ZC3H3: variants seen among roughly 807,000 people sequenced by gnomAD.
ZC3H3 encodes the protein zinc finger CCCH domain-containing protein 3.
Under a neutral mutation model 77.3 loss-of-function variants are expected in ZC3H3, and 36 were observed. The observed-to-expected ratio is 0.47, with a 90% confidence interval of 0.36 to 0.61. ZC3H3 has a LOEUF of 0.61. Ranked by LOEUF, ZC3H3 falls within the 20% of genes least tolerant of loss-of-function variation. ZC3H3 has a pLI of 0.00. For missense variants in ZC3H3, 1,331 were observed against 1,312.2 expected, an observed-to-expected ratio of 1.01 and a Z score of -0.22; for synonymous variants, 626 against 555.2, an observed-to-expected ratio of 1.13 and a Z score of -1.79.
intron 9 of ZC3H3, among the ~76,000 whole-genome samples, chr8:143,455,521 A>G (rs1352275114): frequency 1.3e-5 from 2 of 151,754 alleles, no homozygotes; most frequent in African/African-American, 2.4e-5. Context: ...AATAATAATA[A>G]TAATATAATA....
chr8:143,535,329 G>A (rs187528898), intron 3 of ZC3H3, among the ~76,000 whole-genome samples: 28 of 152,288 alleles, frequency 1.8e-4, no homozygotes, highest in African/African-American at 4.8e-4. Context: ...ATGAGCAACC[G>A]CGCCCAGCCT....
chr8:143,511,973 C>A (rs1365525877), intron 3 of ZC3H3, among the ~76,000 whole-genome samples: 2 of 152,258 alleles, frequency 1.3e-5, no homozygotes, highest in Non-Finnish European at 2.9e-5. Flanking sequence ...CCACAGCCAC[C>A]CCCACAGCAG....
intron 4 of ZC3H3, among the ~76,000 whole-genome samples, chr8:143,481,700 G>A (rs561637039): frequency 1.3e-5 from 2 of 152,334 alleles, no homozygotes; most frequent in Admixed American, 6.5e-5. Context: ...CTGCACCTCC[G>A]GCTGCTGCCA....
intron 9 of ZC3H3, among the ~76,000 whole-genome samples, chr8:143,452,774 C>A (rs1820021674): frequency 1.3e-5 from 2 of 152,066 alleles, no homozygotes; most frequent in East Asian, 1.9e-4. Context: ...CCCATCTGAA[C>A]AACAGAAAGA....
In ZC3H3 at chr8:143,538,109, G is replaced by T; in HGVS notation, c.1258C>A (p.Pro420Thr). ...VLSRSPSGDR[P>T]AVGHSGLKPL... ...TTCAAGCCACTGTGTCCTACTGCTG[G>T]TCTGTCCCCCGACGGGGACCTAGAC... Residue 420 changes from proline to threonine, a missense_variant, in exon 2 of 12, where the codon CCA (proline) becomes ACA (threonine). By Grantham distance (38) the Pro-to-Thr change is conservative. Around this residue, in one of 3 missense-constraint regions of ZC3H3, gnomAD observed 978 missense variants for 915.5 expected, o/e 1.07. Coordinates refer to ENST00000262577, the MANE Select transcript of ZC3H3 (RefSeq NM_015117.3). 9.3e-6 allele frequency: 15 copies of T among 1,613,202 alleles called. No homozygotes were observed. The highest frequency in any genetic ancestry group is 1.3e-5 in the Non-Finnish European group (15 of 1,180,032).
At chr8:143,490,067 G>A (rs1023843462) in intron 4 of ZC3H3, among the ~76,000 whole-genome samples, 2 of 152,162 alleles carry the variant, frequency 1.3e-5, no homozygotes, top group Non-Finnish European at 2.9e-5. Flanking sequence ...CCTAAACCAC[G>A]CCCAGCAAGC....
chr8:143,516,484 C>G (rs1192172325), intron 3 of ZC3H3, among the ~76,000 whole-genome samples: 1 of 151,430 alleles, frequency 6.6e-6, no homozygotes, highest in Non-Finnish European at 1.5e-5. Context: ...GGCAGAAAAA[C>G]TTGCCTCAAA....
Position 143,460,079 on chromosome 8 carries a change from C to T in ZC3H3, c.2307+5638G>A, listed in dbSNP as rs1255630783. On this transcript the variant is annotated intron_variant, in intron 9 of 11. Coordinates refer to ENST00000262577, the MANE Select transcript of ZC3H3 (RefSeq NM_015117.3). This position sits in a 1 kb window ranked among gnomAD's most constrained non-coding sequence, Gnocchi z 4.0. The stretch of plus-strand genomic sequence containing the variant: ...CTGGCCCCATGGTGTGACCCTGTCT[C>T]TACTAAAAACACAAAAATTAGCTGG... Among the ~76,000 whole-genome samples the T allele has an allele frequency of 6.6e-6, 1 of 151,962 alleles. No homozygotes were observed. Among genetic ancestry groups the T allele is most frequent in the African/African-American group, 2.4e-5 (1 of 41,358 alleles).
In ZC3H3 at chr8:143,460,458, G is replaced by A. The variant is rs4874136; in HGVS notation, c.2307+5259C>T. The stretch of plus-strand genomic sequence containing the variant: ...GTGGAGAAACGGGAACCCGTGCGCC[G>A]TTGCTGGGAACGTAAAGTGGTTCAG... On this transcript the variant is annotated intron_variant, in intron 9 of 11. Coordinates refer to ENST00000262577, the MANE Select transcript of ZC3H3 (RefSeq NM_015117.3). This position sits in a 1 kb window ranked among gnomAD's most constrained non-coding sequence, Gnocchi z 4.0. Among the ~76,000 whole-genome samples, 4 of 151,882 alleles carry A rather than the reference G, an allele frequency of 2.6e-5. No homozygotes were observed. The highest frequency in any genetic ancestry group is 4.8e-5 in the African/African-American group (2 of 41,334).
In ZC3H3 at chr8:143,533,923, G is replaced by A. The variant is rs4584154; in HGVS notation, c.1561+2334C>T. 0.013 allele frequency among the ~76,000 whole-genome samples: 1,943 copies of A among 152,006 alleles called. 137 individuals carry two copies. In the East Asian group the frequency reaches 0.22, roughly 17 times the overall value. On this transcript the variant is annotated intron_variant, in intron 3 of 11. Coordinates refer to ENST00000262577, the MANE Select transcript of ZC3H3 (RefSeq NM_015117.3). This position sits in a 1 kb window ranked among gnomAD's most constrained non-coding sequence, Gnocchi z 4.0. ...ACTCCTGACCTCAGGTGATCCACCC[G>A]CCTCGGCCTCCCAGTGTGCTGGGAT...
At chr8:143,475,848 C>T (rs1180098120) in intron 4 of ZC3H3, among the ~76,000 whole-genome samples, 1 of 152,170 alleles carries the variant, frequency 6.6e-6, no homozygotes, top group Non-Finnish European at 1.5e-5. Flanking sequence ...CAGGAGGTGG[C>T]GCCCCCGACC....
At chr8:143,439,719 T>G (rs1023237128) in intron 11 of ZC3H3, among the ~76,000 whole-genome samples, 19 of 152,216 alleles carry the variant, frequency 1.2e-4, no homozygotes, top group African/African-American at 3.9e-4. Context: ...GGTGCACCCC[T>G]GGCGCCCGTG....
At chr8:143,443,724 G>A (rs1819802305) in intron 9 of ZC3H3, among the ~76,000 whole-genome samples, 2 of 152,332 alleles carry the variant, frequency 1.3e-5, no homozygotes, top group South Asian at 4.1e-4. Context: ...GAAATAAAGA[G>A]AAGGAAGATG....
intron 4 of ZC3H3, among the ~76,000 whole-genome samples, chr8:143,480,430 C>T (rs1232878436): frequency 6.6e-6 from 1 of 152,236 alleles, no homozygotes; most frequent in Non-Finnish European, 1.5e-5. Context: ...TCAGAGCAGC[C>T]CCCGCGCCAT....
intron 10 of ZC3H3, 30 bp from the exon 11 acceptor site, chr8:143,440,393 G>A (rs1403888750): frequency 4.0e-6 from 6 of 1,500,900 alleles, no homozygotes; most frequent in Non-Finnish European, 5.3e-6. Flanking sequence ...AGACGTGTGA[G>A]GTGGGGTGAC....
intron 3 of ZC3H3, among the ~76,000 whole-genome samples, chr8:143,514,496 G>A (rs1821969724): frequency 1.3e-5 from 2 of 152,230 alleles, no homozygotes; most frequent in South Asian, 4.1e-4. Flanking sequence ...AGGAGCACAC[G>A]CAGAGACTGA....
intron 11 of ZC3H3, among the ~76,000 whole-genome samples, chr8:143,439,376 C>A (rs890637120): frequency 1.3e-5 from 2 of 152,194 alleles, no homozygotes; most frequent in Admixed American, 6.5e-5. Flanking sequence ...AAAATGATAG[C>A]CGTATGGTCG....
chr8:143,446,159 A>G (rs919430787), intron 9 of ZC3H3, among the ~76,000 whole-genome samples: 2 of 152,164 alleles, frequency 1.3e-5, no homozygotes, highest in African/African-American at 4.8e-5. Flanking sequence ...CACCGCACAC[A>G]CCACACAAGA....
intron 9 of ZC3H3, among the ~76,000 whole-genome samples, chr8:143,464,677 G>A (rs557790257): frequency 8.3e-4 from 127 of 152,310 alleles, no homozygotes; most frequent in African/African-American, 3.0e-3. Context: ...GGTGCCTGGT[G>A]TTCTCGGCTT....
Sources: allele counts gnomAD v4.1 joint callset (sites outside exome capture counted in the v4.1 genomes callset), GRCh38; gene constraint gnomAD v4.1.1; regional missense constraint gnomAD v4.1.1; non-coding constraint Gnocchi (gnomAD v3.1); transcripts MANE v1.5; gene names NCBI Gene and HGNC (gene_info 2026-07-23, HGNC 2026-07-21).